Variants in TBC1D4 observed in about 807,000 individuals in gnomAD.
The protein encoded by TBC1D4 is TBC1 domain family member 4, also known as TBC (Tre-2, BUB2, CDC16) domain-containing protein.
A neutral mutation model predicts 142.5 loss-of-function variants in TBC1D4; 121 were observed. That is an observed-to-expected ratio of 0.85 (90% CI 0.73 to 0.99). TBC1D4 has a LOEUF of 0.99. Ranked by LOEUF, TBC1D4 falls within the 50% of genes least tolerant of loss-of-function variation. The probability of loss-of-function intolerance (pLI) is 0.00; values close to 1 mark genes in which losing one functional copy is unlikely to be tolerated. For synonymous variants in TBC1D4, 630 were observed against 628.2 expected (o/e 1.00, Z -0.04); for missense variants, 1,475 against 1,606.6 (o/e 0.92, Z 1.40).
At chr13:75,386,341 A>G (rs1305574663) in intron 1 of TBC1D4, among the ~76,000 whole-genome samples, 1 of 152,050 alleles carries the variant, frequency 6.6e-6, no homozygotes, top group East Asian at 1.9e-4. Context: ...TGCATGTTGT[A>G]AAATAATAAA....
Position 75,330,149 on chromosome 13 carries a change from C to T in TBC1D4, c.1732-2323G>A, listed in dbSNP as rs560247722. ...TAATCCTTTAACTTTTTACCTTGTT[C>T]TCCTATTTTCCATTTCTTTGAAGTT... On this transcript the variant is annotated intron_variant, in intron 8 of 20. Coordinates refer to ENST00000377636, the MANE Select transcript of TBC1D4 (RefSeq NM_014832.5). 3.3e-5 allele frequency among the ~76,000 whole-genome samples: 5 copies of T among 152,234 alleles called. No homozygotes were observed. In the South Asian group the frequency reaches 8.3e-4, roughly 25 times the overall value.
At chr13:75,367,342 T>G (rs9573529) in intron 1 of TBC1D4, among the ~76,000 whole-genome samples, 1 of 152,040 alleles carries the variant, frequency 6.6e-6, no homozygotes, top group East Asian at 1.9e-4. Flanking sequence ...TGATAACAGA[T>G]GAACTTCAAT....
At chr13:75,328,070 T>C (rs1879428083) in intron 8 of TBC1D4, among the ~76,000 whole-genome samples, 1 of 152,216 alleles carries the variant, frequency 6.6e-6, no homozygotes, top group South Asian at 2.1e-4. Context: ...TTTTTGAAGT[T>C]AGTTTGGTTA....
intron 4 of TBC1D4, among the ~76,000 whole-genome samples, chr13:75,351,147 A>G (rs1881553994): frequency 6.6e-6 from 1 of 152,190 alleles, no homozygotes; most frequent in Non-Finnish European, 1.5e-5. Context: ...CCAGCAAAAA[A>G]CATAAGATAG....
chr13:75,332,678 T>C (rs1231325181), intron 8 of TBC1D4, among the ~76,000 whole-genome samples: 1 of 152,220 alleles, frequency 6.6e-6, no homozygotes, highest in Non-Finnish European at 1.5e-5. Flanking sequence ...AAAAGGCATA[T>C]TTTATGAAAT....
chr13:75,473,581 C>T (rs939572671), intron 1 of TBC1D4, among the ~76,000 whole-genome samples: 8 of 152,170 alleles, frequency 5.3e-5, no homozygotes, highest in African/African-American at 1.9e-4. Context: ...AGGGTATCCA[C>T]AAAATAAAAA....
At chr13:75,330,482 C>T (rs140549145) in intron 8 of TBC1D4, among the ~76,000 whole-genome samples, 3 of 152,346 alleles carry the variant, frequency 2.0e-5, no homozygotes, top group African/African-American at 7.2e-5. Context: ...ACTGCATTAG[C>T]TCACTTAATC....
chr13:75,305,668 C>T (rs1477406674), intron 15 of TBC1D4, among the ~76,000 whole-genome samples: 1 of 152,168 alleles, frequency 6.6e-6, no homozygotes, highest in African/African-American at 2.4e-5. Flanking sequence ...TTTTATTTTA[C>T]ACCCACAGTT....
chr13:75,419,499 C>T (rs1018191565), intron 1 of TBC1D4, among the ~76,000 whole-genome samples: 13 of 151,870 alleles, frequency 8.6e-5, no homozygotes, highest in African/African-American at 2.9e-4. Context: ...AGGCATACCT[C>T]GAAGTTGTAT....
intron 1 of TBC1D4, among the ~76,000 whole-genome samples, chr13:75,415,302 T>C (rs969481499): frequency 1.3e-5 from 2 of 152,198 alleles, no homozygotes; most frequent in African/African-American, 2.4e-5. Flanking sequence ...CCAGTGCTGG[T>C]GGCTGTTAAG....
Position 75,286,899 on chromosome 13 carries a change from G to C in TBC1D4, c.3790C>G (p.Gln1264Glu). ...EKMAYQKTVE[Q>E]LRKLLPADAL... ...TCCGCGGGCAGCAGCTTCCGGAGTT[G>C]CTCCACTGTCTTTTGATAAGCCATT... The change falls in exon 21 of 21, where the codon CAA (glutamine) becomes GAA (glutamate). Residue 1264 changes from glutamine to glutamate, a missense_variant. Gln to Glu is a conservative substitution (Grantham distance 29, BLOSUM62 2). This residue lies in a region of TBC1D4 where 248 missense variants were observed against 338.9 expected (regional missense o/e 0.73). Coordinates refer to ENST00000377636, the MANE Select transcript of TBC1D4 (RefSeq NM_014832.5). 6.2e-7 allele frequency: 1 copy of C among 1,613,962 alleles called. No homozygotes were observed. Among genetic ancestry groups the C allele is most frequent in the Non-Finnish European group, 8.5e-7 (1 of 1,179,976 alleles).
intron 1 of TBC1D4, among the ~76,000 whole-genome samples, chr13:75,438,186 C>T (rs1377170295): frequency 6.6e-6 from 1 of 152,220 alleles, no homozygotes; most frequent in African/African-American, 2.4e-5. Flanking sequence ...AAGCATATCA[C>T]TCTTGTTCAT....
intron 1 of TBC1D4, among the ~76,000 whole-genome samples, chr13:75,447,500 A>ATGGGTG (rs1555323423): frequency 6.9e-6 from 1 of 145,246 alleles, no homozygotes; most frequent in Non-Finnish European, 1.5e-5. Flanking sequence ...CATAGTGTGA[A>ATGGGTG]TGTGTGTGTG....
intron 20 of TBC1D4, 66 bp downstream of exon 20, chr13:75,288,868 C>A: frequency 6.6e-7 from 1 of 1,522,168 alleles, no homozygotes; most frequent in East Asian, 2.3e-5. Context: ...CCTTTCATTC[C>A]TGAGGTAGTT....
Position 75,324,334 on chromosome 13 carries a change from T to C in TBC1D4, c.2101A>G (p.Thr701Ala). The C allele has an allele frequency of 6.2e-7, 1 of 1,614,022 alleles. No individual in the cohort carries two copies. The highest frequency in any genetic ancestry group is 2.2e-5 in the East Asian group (1 of 44,876). Residue 701 changes from threonine to alanine, a missense_variant, in exon 11 of 21, where the codon ACT becomes GCT. By Grantham distance (58) the Thr-to-Ala change is moderately conservative (BLOSUM62 0). Transcript: ENST00000377636. ...GTGAAGGAAGGGGCAGAGAAGGAAGTGTGAAGACTTGGAAGACTGGAGGAA... is the reference window on the plus strand; with the variant it reads ...GTGAAGGAAGGGGCAGAGAAGGAAGCGTGAAGACTTGGAAGACTGGAGGAA... ...NSSSSLPSLH[T>A]SFSAPSFTAP...
chr13:75,449,532 AACACAC>A (rs34025489), intron 1 of TBC1D4, among the ~76,000 whole-genome samples: 17 of 149,262 alleles, frequency 1.1e-4, no homozygotes, highest in East Asian at 9.8e-4. Context: ...GTGAAACTGC[AACACAC>A]ACACACACAC....
At chr13:75,359,944 G>C (rs2138161357) in intron 2 of TBC1D4, 86 bp from the exon 3 acceptor site, 1 of 1,064,456 alleles carries the variant, frequency 9.4e-7, no homozygotes, top group African/African-American at 1.6e-5. Flanking sequence ...TAATAATATA[G>C]ATTCAAATGC....
At chr13:75,363,883 CTCAA>C (rs1192592639) in intron 1 of TBC1D4, among the ~76,000 whole-genome samples, 1 of 152,212 alleles carries the variant, frequency 6.6e-6, no homozygotes, top group Non-Finnish European at 1.5e-5. Context: ...TGAGACAGGT[CTCAA>C]TCAGTTTAAA....
chr13:75,334,714 G>A (rs1431570249), intron 8 of TBC1D4, among the ~76,000 whole-genome samples: 2 of 152,036 alleles, frequency 1.3e-5, no homozygotes, highest in African/African-American at 4.8e-5. Flanking sequence ...CTCCTGAGTA[G>A]CTGGGATTAC....
Sources: gnomAD v4.1 joint callset for allele counts (sites outside exome capture counted in the v4.1 genomes callset) on GRCh38, gnomAD v4.1.1 for gene constraint, gnomAD v4.1.1 regional missense constraint, MANE v1.5 for transcripts, NCBI Gene and HGNC (gene_info 2026-07-23, HGNC 2026-07-21) for gene names.